The following CFHR5 variants were observed in gnomAD, a reference collection of about 807,000 sequenced individuals.
CFHR5 encodes the protein complement factor H-related protein 5.
Under a neutral mutation model 62.9 loss-of-function variants are expected in CFHR5, and 73 were observed. The observed-to-expected ratio is 1.16, with a 90% CI of 0.96 to 1.41. CFHR5 has a LOEUF of 1.41. CFHR5 is among the 40% of genes most tolerant of loss of function. The pLI is 0.00. For missense variants in CFHR5, 779 were observed against 679.9 expected (o/e 1.15, Z -1.62); for synonymous variants, 249 against 227.2 (o/e 1.10, Z -0.86).
intron 1 of CFHR5, among the ~76,000 whole-genome samples, chr1:196,979,924 CTT>C (rs1009906474): frequency 1.3e-5 from 2 of 152,128 alleles, no homozygotes; most frequent in African/African-American, 2.4e-5. Context: ...ACTTGTAACT[CTT>C]TTGTTTTAGC....
chr1:196,982,822 A>G (rs531234734), intron 1 of CFHR5, 63 bp from the exon 2 acceptor site: 2 of 1,451,418 alleles, frequency 1.4e-6, no homozygotes, highest in Non-Finnish European at 1.9e-6. Context: ...ACTAAAATAT[A>G]ATCTAGTGAT....
At chr1:196,998,385 TTAAA>T in intron 7 of CFHR5, 81 bp downstream of exon 7, 1 of 1,141,174 alleles carries the variant, frequency 8.8e-7, no homozygotes, top group Non-Finnish European at 1.3e-6. Flanking sequence ...TGTTTTTAAA[TTAAA>T]TATTTATTGT....
At chr1:196,985,431 C>G (rs1291392030) in intron 3 of CFHR5, among the ~76,000 whole-genome samples, 3 of 151,354 alleles carry the variant, frequency 2.0e-5, no homozygotes, top group Non-Finnish European at 4.4e-5. Flanking sequence ...GATAGTTTTT[C>G]AGTAAACAGT....
chr1:197,006,817 T>G (rs1168426418), intron 9 of CFHR5, among the ~76,000 whole-genome samples: 2 of 152,030 alleles, frequency 1.3e-5, no homozygotes, highest in Non-Finnish European at 2.9e-5. Flanking sequence ...TTAATAGCAG[T>G]TTTTTGACAT....
chr1:196,983,670 T>G (rs1366792336), intron 2 of CFHR5, among the ~76,000 whole-genome samples: 1 of 152,104 alleles, frequency 6.6e-6, no homozygotes, highest in Non-Finnish European at 1.5e-5. Context: ...TTTATGAGAA[T>G]TGCGAGAAAT....
chr1:197,008,063 A>G (rs946738135), intron 9 of CFHR5, among the ~76,000 whole-genome samples: 18 of 149,434 alleles, frequency 1.2e-4, no homozygotes, highest in Admixed American at 2.7e-4. Flanking sequence ...GGGTCAGGGA[A>G]GAAGATAACA....
chr1:196,984,595 C>A (rs569825942), intron 3 of CFHR5, among the ~76,000 whole-genome samples: 1 of 152,036 alleles, frequency 6.6e-6, no homozygotes, highest in Non-Finnish European at 1.5e-5. Flanking sequence ...TATTTGTGAG[C>A]GGCTTAGAAT....
rs375481393 is a variant in CFHR5, at chr1:196,995,714, T to C, written c.608-3T>C. 6 of 1,611,292 alleles carry C rather than the reference T, an allele frequency of 3.7e-6. No homozygotes were observed. The highest frequency in any genetic ancestry group is 4.5e-5 in the East Asian group (2 of 44,820). ...AGCATTATTTATGGTTTCTTTATAATAGGACAAGTACGATCATGTGGTCCA... is the reference window on the plus strand; with the variant it reads ...AGCATTATTTATGGTTTCTTTATAACAGGACAAGTACGATCATGTGGTCCA... On this transcript the variant is annotated splice_region_variant and splice_polypyrimidine_tract_variant and intron_variant, in intron 4 of 9. Coordinates refer to ENST00000256785, the MANE Select transcript of CFHR5 (RefSeq NM_030787.4).
At chr1:196,995,094 T>G (rs1359016245) in intron 4 of CFHR5, among the ~76,000 whole-genome samples, 1 of 152,182 alleles carries the variant, frequency 6.6e-6, no homozygotes, top group Non-Finnish European at 1.5e-5. Context: ...TTAATAAAAG[T>G]TATAACTATA....
Position 197,008,690 on chromosome 1 carries a change from C to T in CFHR5, c.*7C>T, listed in dbSNP as rs767151038. On this transcript the variant is annotated 3_prime_UTR_variant, in exon 10 of 10. Coordinates refer to ENST00000256785, the MANE Select transcript of CFHR5 (RefSeq NM_030787.4). ...ATATCCTATATGTGAATGAAGCAAGCATAATTTTCCTGAATATATTCTTCA... is the reference window on the plus strand; with the variant it reads ...ATATCCTATATGTGAATGAAGCAAGTATAATTTTCCTGAATATATTCTTCA... The T allele has an allele frequency of 1.9e-6, 3 of 1,604,390 alleles. No homozygotes were observed. Among genetic ancestry groups the T allele is most frequent in the East Asian group, 2.2e-5 (1 of 44,748 alleles).
chr1:196,992,106 CT>C (rs1653862138), intron 3 of CFHR5, among the ~76,000 whole-genome samples: 1 of 152,184 alleles, frequency 6.6e-6, no homozygotes, highest in Non-Finnish European at 1.5e-5. Context: ...GCGGACGCCC[CT>C]CCCCCTGCCA....
chr1:196,994,465 C>T (rs7528757), intron 4 of CFHR5, among the ~76,000 whole-genome samples: 2,052 of 152,190 alleles, frequency 0.013, 44 homozygotes, highest in African/African-American at 0.045. Context: ...TTTTACAATA[C>T]ATAATAGGAT....
intron 9 of CFHR5, among the ~76,000 whole-genome samples, chr1:197,007,884 TTGTA>T (rs1203999381): frequency 4.1e-5 from 6 of 147,354 alleles, no homozygotes; most frequent in African/African-American, 1.5e-4. Context: ...TAGATATAAA[TTGTA>T]TGTAACATGT....
chr1:196,990,527 T>C (rs1350071336), intron 3 of CFHR5, among the ~76,000 whole-genome samples: 1 of 152,158 alleles, frequency 6.6e-6, no homozygotes, highest in South Asian at 2.1e-4. Context: ...CTTTTTCATG[T>C]TTAGTGCTTC....
chr1:196,989,382 T>C (rs975115924), intron 3 of CFHR5, among the ~76,000 whole-genome samples: 2 of 152,204 alleles, frequency 1.3e-5, no homozygotes, highest in Non-Finnish European at 2.9e-5. Context: ...AGTTCTGTTC[T>C]GATCTTAGTT....
chr1:197,005,172 G>C (rs1654256285), intron 9 of CFHR5, among the ~76,000 whole-genome samples: 1 of 152,078 alleles, frequency 6.6e-6, no homozygotes, highest in African/African-American at 2.4e-5. Context: ...TTCTCACAGA[G>C]ACCCTTTGAA....
intron 9 of CFHR5, among the ~76,000 whole-genome samples, chr1:197,007,054 C>A (rs1048700407): frequency 1.3e-5 from 2 of 151,826 alleles, no homozygotes; most frequent in Non-Finnish European, 2.9e-5. Context: ...CCAGGCTGGT[C>A]TTGAACTCTT....
chr1:197,007,740 T>A (rs1013009961), intron 9 of CFHR5, among the ~76,000 whole-genome samples: 6 of 147,692 alleles, frequency 4.1e-5, no homozygotes, highest in African/African-American at 1.5e-4. Context: ...ATACATACAA[T>A]ATATGTATAC....
rs538100685 is a variant in CFHR5, at chr1:197,001,593, G to T, written c.1148-889G>T. Among the ~76,000 whole-genome samples the T allele has an allele frequency of 3.3e-5, 5 of 151,480 alleles. No individual in the cohort carries two copies. In the South Asian group the frequency reaches 1.0e-3, roughly 32 times the overall value. The stretch of plus-strand genomic sequence containing the variant: ...ATACTTTAAGTTTTAGGGTACATGT[G>T]CACAACGTGCAGGTTTGTTACAAAT... On this transcript the variant is annotated intron_variant, in intron 7 of 9. Transcript: ENST00000256785.
Sources: allele counts gnomAD v4.1 joint callset (sites outside exome capture counted in the v4.1 genomes callset), GRCh38; gene constraint gnomAD v4.1.1; transcripts MANE v1.5; gene names NCBI Gene and HGNC (gene_info 2026-07-23, HGNC 2026-07-21).